FAAH2: variants seen among roughly 807,000 people sequenced by gnomAD.
The protein encoded by FAAH2 is fatty acid amide hydrolase 2.
In FAAH2, 60 loss-of-function variants were observed where a neutral mutation model predicts 36.9. The ratio of observed to expected loss-of-function variants is 1.63; its 90% CI spans 1.32 to 2.02. The LOEUF (loss-of-function observed/expected upper bound fraction) is 2.02, where lower values mean the gene tolerates loss of function less well. Among genes scored for constraint, FAAH2 ranks in the 30% most tolerant of loss-of-function variants. The probability of loss-of-function intolerance (pLI) is 0.00; values close to 1 mark genes in which losing one functional copy is unlikely to be tolerated. For missense variants in FAAH2, 689 were observed against 397.5 expected (o/e 1.73, Z -6.23); for synonymous variants, 214 against 143.8 (o/e 1.49, Z -3.49).
the FAAH2 span, among the ~76,000 whole-genome samples, chrX:57,140,033 A>G: frequency 1.3e-4 from 15 of 111,909 alleles, no homozygotes; most frequent in South Asian, 1.1e-3. Context: ...TTTATTTTGT[A>G]TCAATGTTTT....
chrX:57,208,863 G>A, the FAAH2 span, among the ~76,000 whole-genome samples: 1 of 112,272 alleles, frequency 8.9e-6, no homozygotes, highest in Non-Finnish European at 1.9e-5. Context: ...ATTGTTAGTG[G>A]TTCAGGAATG....
chrX:57,261,816 A>G, the FAAH2 span, among the ~76,000 whole-genome samples: 2,709 of 110,850 alleles, frequency 0.024, 98 homozygotes, highest in African/African-American at 0.084. Context: ...CAGGAATATT[A>G]GTTATGAGAT....
At chrX:57,149,393 T>C in the FAAH2 span, among the ~76,000 whole-genome samples, 2 of 111,460 alleles carry the variant, frequency 1.8e-5, no homozygotes, top group Admixed American at 9.5e-5. Flanking sequence ...GTCCTGGACT[T>C]TTTTTGGTTG....
the FAAH2 span, among the ~76,000 whole-genome samples, chrX:57,209,120 A>G: frequency 9.0e-6 from 1 of 111,579 alleles, no homozygotes; most frequent in African/African-American, 3.3e-5. Flanking sequence ...ATATCCAAGA[A>G]CCAAGTCCTG....
At chrX:57,454,104 A>G (rs2056830130) in intron 10 of FAAH2, among the ~76,000 whole-genome samples, 1 of 82,237 alleles carries the variant, frequency 1.2e-5, no homozygotes, top group African/African-American at 3.4e-5. Flanking sequence ...CATCTTGGCC[A>G]GAACACCGAA....
chrX:57,272,422 C>T, the FAAH2 span, among the ~76,000 whole-genome samples: 1 of 111,189 alleles, frequency 9.0e-6, no homozygotes, highest in Non-Finnish European at 1.9e-5. Context: ...AAAGATACTT[C>T]TAGAGAAGAG....
intron 7 of FAAH2, among the ~76,000 whole-genome samples, chrX:57,407,957 T>A (rs2055608623): frequency 1.8e-5 from 2 of 112,092 alleles, no homozygotes; most frequent in South Asian, 7.3e-4. Context: ...GTTTCTTGAC[T>A]TTATACACAT....
the FAAH2 span, among the ~76,000 whole-genome samples, chrX:57,246,033 C>T: frequency 2.7e-5 from 3 of 111,045 alleles, no homozygotes; most frequent in Admixed American, 1.9e-4. Flanking sequence ...ATAAAAAATG[C>T]TATAGGGGAT....
the FAAH2 span, among the ~76,000 whole-genome samples, chrX:57,210,808 C>T: frequency 8.9e-6 from 1 of 112,692 alleles, no homozygotes; most frequent in Non-Finnish European, 1.9e-5. Flanking sequence ...AGAAATACAA[C>T]TCTTCCCATT....
chrX:57,455,398 T>A (rs1287076804), intron 10 of FAAH2, among the ~76,000 whole-genome samples: 1 of 110,434 alleles, frequency 9.1e-6, no homozygotes, highest in Non-Finnish European at 1.9e-5. Flanking sequence ...TGCAGTCAAG[T>A]CTAAAAAACA....
At chrX:57,328,405 A>T (rs1157953914) in intron 3 of FAAH2, among the ~76,000 whole-genome samples, 1 of 111,244 alleles carries the variant, frequency 9.0e-6, no homozygotes, top group African/African-American at 3.3e-5. Context: ...CTGCTCTATC[A>T]GGTTGATTGT....
intron 3 of FAAH2, among the ~76,000 whole-genome samples, chrX:57,322,110 C>T (rs1225201198): frequency 9.1e-6 from 1 of 110,325 alleles, no homozygotes; most frequent in East Asian, 2.8e-4. Context: ...TCACGCCGTT[C>T]TCCTGCCTCA....
At chrX:57,171,038 T>C in the FAAH2 span, among the ~76,000 whole-genome samples, 1 of 111,447 alleles carries the variant, frequency 9.0e-6, no homozygotes, top group Admixed American at 9.5e-5. Context: ...ACTGAGTTAC[T>C]TTACTTAGAA....
the FAAH2 span, among the ~76,000 whole-genome samples, chrX:57,140,633 A>G: frequency 1.9e-5 from 2 of 107,972 alleles, no homozygotes; most frequent in Non-Finnish European, 3.8e-5. Context: ...TAAAAGCACC[A>G]TGGAATACTA....
Position 57,459,789 on chromosome X carries a change from G to A in FAAH2, c.1423+11071G>A, listed in dbSNP as rs774813194. Among the ~76,000 whole-genome samples the A allele has an allele frequency of 2.2e-3, 244 of 111,928 alleles. 1 individual carries two copies. Among genetic ancestry groups the A allele is most frequent in the Admixed American group, 3.6e-3 (38 of 10,567 alleles). On this transcript the variant is annotated intron_variant, in intron 10 of 10. Transcript: ENST00000374900. ...TAAAAGACAAACTAACAAAAAGAAA[G>A]CAACAACATCAACATCAGCATAAAG...
chrX:57,266,254 G>A, the FAAH2 span, among the ~76,000 whole-genome samples: 5 of 112,094 alleles, frequency 4.5e-5, no homozygotes, highest in Admixed American at 3.8e-4. Context: ...CTGAGAGGGA[G>A]GAGCAGGCTG....
At chrX:57,486,603 G>A (rs755532420) in intron 10 of FAAH2, among the ~76,000 whole-genome samples, 1 of 111,512 alleles carries the variant, frequency 9.0e-6, no homozygotes, top group East Asian at 2.8e-4. Context: ...AATCTCAGGT[G>A]CCCTAGCTCT....
At chrX:57,441,565 A>G (rs1161604126) in intron 8 of FAAH2, among the ~76,000 whole-genome samples, 1 of 107,496 alleles carries the variant, frequency 9.3e-6, no homozygotes, top group East Asian at 2.9e-4. Context: ...TCCTGGATTC[A>G]CTGATTTTTT....
rs188949678 is a variant in FAAH2, at chrX:57,383,809, A to T, written c.996+2780A>T. On this transcript the variant is annotated intron_variant, in intron 7 of 10. Transcript: ENST00000374900. ...AGCTACCAATGACTTTCTTCACAGAATTGGAAAAAGCTACTTTGAAGTTCA... is the reference window on the plus strand; with the variant it reads ...AGCTACCAATGACTTTCTTCACAGATTTGGAAAAAGCTACTTTGAAGTTCA... 4.6e-4 allele frequency among the ~76,000 whole-genome samples: 52 copies of T among 112,221 alleles called. No homozygotes were observed. The Middle Eastern group carries it at 0.014, about 30-fold the overall frequency.
Sources: gnomAD v4.1 joint callset for allele counts (sites outside exome capture counted in the v4.1 genomes callset) on GRCh38, gnomAD v4.1.1 for gene constraint, MANE v1.5 for transcripts, NCBI Gene and HGNC (gene_info 2026-07-23, HGNC 2026-07-21) for gene names.